Variants in ZBTB8B observed in about 807,000 individuals in gnomAD.
ZBTB8B encodes zinc finger and BTB domain containing 8B.
A neutral mutation model predicts 30.3 loss-of-function variants in ZBTB8B; 17 were observed. The ratio of observed to expected loss-of-function variants is 0.56; its 90% confidence interval spans 0.38 to 0.84. The LOEUF (loss-of-function observed/expected upper bound fraction) is 0.84, where lower values mean the gene tolerates loss of function less well. Among genes scored for constraint, ZBTB8B ranks in the 40% least tolerant of loss-of-function variants. ZBTB8B has a pLI of 0.00. For synonymous variants in ZBTB8B, 248 were observed against 255.6 expected, an observed-to-expected ratio of 0.97 and a Z score of 0.28; for missense variants, 515 against 644.9, an observed-to-expected ratio of 0.80 and a Z score of 2.18.
Position 32,496,561 on chromosome 1 carries a change from G to A in ZBTB8B, c.*11143G>A, listed in dbSNP as rs891589296. On this transcript the variant is annotated 3_prime_UTR_variant, in exon 4 of 4. Transcript: ENST00000609129. ...TTTTTGGAATTGAATTGGTTTTTAA[G>A]TGGTAATGTACCAGGTCTGTTTATA... 3.3e-5 allele frequency: 5 copies of A among 152,180 alleles called. No homozygotes were observed. The highest frequency in any genetic ancestry group is 7.3e-5 in the Non-Finnish European group (5 of 68,036). The allele number at this position is 152,180 out of a possible 1,614,324, so 9.4% of individuals were successfully genotyped here.
intron 2 of ZBTB8B, among the ~76,000 whole-genome samples, chr1:32,479,425 A>G (rs994157917): frequency 9.2e-5 from 14 of 152,164 alleles, no homozygotes; most frequent in African/African-American, 3.4e-4. Context: ...CCGAAGGCTG[A>G]GGCAGGAGAA....
At position 32,484,568 on chromosome 1, in the gene ZBTB8B, CA is replaced by C. The variant is rs758740411; in HGVS notation, c.1171-532del. ...CTCATATGGTTTGGATCTCTGTCCC[CA>C]CTCAAATCTCATGTTGAAATGTAAT... On this transcript the variant is annotated intron_variant, in intron 3 of 3. Coordinates refer to ENST00000609129, the MANE Select transcript of ZBTB8B (RefSeq NM_001145720.2). The surrounding 1 kb of genome is among the most constrained non-coding windows in gnomAD (Gnocchi z 4.5). Among the ~76,000 whole-genome samples the C allele has an allele frequency of 2.6e-5, 4 of 152,088 alleles. No homozygotes were observed. The highest frequency in any genetic ancestry group is 5.9e-5 in the Non-Finnish European group (4 of 68,022).
Position 32,485,411 on chromosome 1 carries a change from T to G in ZBTB8B, c.1481T>G (p.Leu494Arg), listed in dbSNP as rs1417689341. 1 of 1,547,140 alleles carries G rather than the reference T, an allele frequency of 6.5e-7. No individual in the cohort carries two copies. The change falls in exon 4 of 4, where the codon CTT (leucine) becomes CGT (arginine). Residue 494 changes from leucine (L) to arginine (R), a missense_variant. Transcript: ENST00000609129. ...CCTAACTTATCAGACCGAGAGACAC[T>G]TACGTAGCAATAAATTGGTGGGGAA... is the stretch of plus-strand genomic sequence containing the variant. Reference protein sequence around the residue: ...IQPNLSDRETLT With the variant: ...IQPNLSDRETRT
chr1:32,473,722 T>C (rs1190415150), intron 2 of ZBTB8B, among the ~76,000 whole-genome samples: 1 of 152,120 alleles, frequency 6.6e-6, no homozygotes, highest in Non-Finnish European at 1.5e-5. Flanking sequence ...GGTCTCCCTA[T>C]GTTGCTCAGT....
rs1272923154 is a variant in ZBTB8B at position 32,489,564 on chromosome 1, G to A, written c.*4146G>A. ...TGAGGTTTAATTTGTGGGGTTGGTG[G>A]TATTTTTATACTAAGTAAATTTACA... is the stretch of plus-strand genomic sequence containing the variant. On this transcript the variant is annotated 3_prime_UTR_variant, in exon 4 of 4. Transcript: ENST00000609129. The A allele has an allele frequency of 6.6e-6, 1 of 152,094 alleles. No individual in the cohort carries two copies. The highest frequency in any genetic ancestry group is 1.5e-5 in the Non-Finnish European group (1 of 68,030). 9.4% of individuals were successfully genotyped at this position (152,094 alleles called of 1,614,324 possible). A position where few individuals can be genotyped will look rare whatever the true frequency, so the allele number is the denominator to read the frequency against.
intron 1 of ZBTB8B, among the ~76,000 whole-genome samples, chr1:32,469,284 C>T (rs1246189725): frequency 4.4e-5 from 6 of 135,618 alleles, no homozygotes; most frequent in African/African-American, 1.1e-4. Flanking sequence ...CTCACTCTGT[C>T]GCCCAGGCTG....
chr1:32,470,996 T>C lies in ZBTB8B; in HGVS notation c.372T>C (p.Ile124=). ...CKTYIRSSLD[I]CRKMEKEAAV... is the part of the protein sequence containing the mutation. ...CATACATTAGGTCATCCCTCGACAT[T>C]TGCCGAAAGATGGAGAAGGAGGCTG... The change falls in exon 2 of 4, where the codon ATT becomes ATC. Residue 124 remains isoleucine (I), a synonymous_variant. Transcript: ENST00000609129. 1 of 1,552,204 alleles carries C rather than the reference T, an allele frequency of 6.4e-7. No individual in the cohort carries two copies. The highest frequency in any genetic ancestry group is 8.7e-7 in the Non-Finnish European group (1 of 1,147,098).
chr1:32,468,860 CAA>C (rs770677035), intron 1 of ZBTB8B, among the ~76,000 whole-genome samples: 3 of 126,620 alleles, frequency 2.4e-5, no homozygotes. Flanking sequence ...GAATCTGTCT[CAA>C]AAAAAAAAAA....
Position 32,483,244 on chromosome 1 carries a change from C to CAAAAAA in ZBTB8B, c.1171-1831_1171-1826dup, listed in dbSNP as rs59559091. Among the ~76,000 whole-genome samples the CAAAAAA allele has an allele frequency of 8.2e-4, 46 of 56,372 alleles. 7 individuals carry two copies. The highest frequency in any genetic ancestry group is 1.4e-3 in the East Asian group (2 of 1,396). The allele number at this position is 56,372 out of a possible 152,430, so 37.0% of individuals were successfully genotyped here. A position where few individuals can be genotyped will look rare whatever the true frequency, so the allele number is the denominator to read the frequency against. On this transcript the variant is annotated intron_variant, in intron 3 of 3. Coordinates refer to ENST00000609129, the MANE Select transcript of ZBTB8B (RefSeq NM_001145720.2). ...CGAAACCCCTTATCTACTAAAAATC[C>CAAAAAA]AAAAAAAAAAAAAAAAAAAAAAAAA...
rs963462426 is a variant in ZBTB8B at position 32,496,350 on chromosome 1, A to C, written c.*10932A>C. 8 of 152,226 alleles carry C rather than the reference A, an allele frequency of 5.3e-5. No homozygotes were observed. Among genetic ancestry groups the C allele is most frequent in the Non-Finnish European group, 7.3e-5 (5 of 68,052 alleles). 9.4% of individuals were successfully genotyped at this position (152,226 alleles called of 1,614,324 possible). On this transcript the variant is annotated 3_prime_UTR_variant, in exon 4 of 4. Transcript: ENST00000609129. ...GAGCTCTACAGTTACACACTGTCCA[A>C]CAGCTCTCGGAAGAAAAACAGAAAC...
rs952519676 is a variant in ZBTB8B, at chr1:32,484,559, C to A, written c.1171-542C>A. ...AGATGAAGACTCATATGGTTTGGAT[C>A]TCTGTCCCCACTCAAATCTCATGTT... On this transcript the variant is annotated intron_variant, in intron 3 of 3. Coordinates refer to ENST00000609129, the MANE Select transcript of ZBTB8B (RefSeq NM_001145720.2). The surrounding 1 kb of genome is among the most constrained non-coding windows in gnomAD (Gnocchi z 4.5). Among the ~76,000 whole-genome samples the A allele has an allele frequency of 6.6e-6, 1 of 152,102 alleles. No individual in the cohort carries two copies. Among genetic ancestry groups the A allele is most frequent in the African/African-American group, 2.4e-5 (1 of 41,422 alleles).
chr1:32,481,050 TGCGGAGCCACGCA>T lies in ZBTB8B; in HGVS notation c.1152_1164del (p.Arg385Ter). ...AAGAGGTTCACTCGACAAGAGCACCTGCGGAGCCACGCACTGAGTGTAAGTGTTCGAGCTGGCC... is the reference window on the plus strand; with the variant it reads ...AAGAGGTTCACTCGACAAGAGCACCTCTGAGTGTAAGTGTTCGAGCTGGCC... On this transcript the variant is annotated frameshift_variant, in exon 3 of 4. Transcript: ENST00000609129. LOFTEE classifies it high-confidence loss of function. 1 of 1,551,654 alleles carries T rather than the reference TGCGGAGCCACGCA, an allele frequency of 6.4e-7. No individual in the cohort carries two copies. The highest frequency in any genetic ancestry group is 8.7e-7 in the Non-Finnish European group (1 of 1,146,924).
chr1:32,479,750 C>T (rs1410293311), intron 2 of ZBTB8B, among the ~76,000 whole-genome samples: 1 of 152,016 alleles, frequency 6.6e-6, no homozygotes, highest in Non-Finnish European at 1.5e-5. Context: ...CAAGGGATGA[C>T]TATAGCAGTA....
intron 2 of ZBTB8B, among the ~76,000 whole-genome samples, chr1:32,480,293 T>G (rs892385392): frequency 1.2e-4 from 17 of 142,610 alleles, no homozygotes; most frequent in East Asian, 8.6e-4. Flanking sequence ...AGAGGAATGG[T>G]GGGGGGTATG....
intron 3 of ZBTB8B, among the ~76,000 whole-genome samples, chr1:32,483,405 A>G (rs929668676): frequency 6.6e-6 from 1 of 152,060 alleles, no homozygotes; most frequent in African/African-American, 2.4e-5. Flanking sequence ...AGCTTGGGCA[A>G]CAGAGCAAGA....
rs1643737876 is a variant in ZBTB8B, at chr1:32,485,378, A to G, written c.1448A>G (p.Gln483Arg). 1.3e-6 allele frequency: 2 copies of G among 1,552,152 alleles called. No homozygotes were observed. The highest frequency in any genetic ancestry group is 2.7e-5 in the African/African-American group (2 of 73,168). The change falls in exon 4 of 4, where the codon CAA becomes CGA. Residue 483 changes from glutamine (Q) to arginine (R), a missense_variant. By Grantham distance (43) the Gln-to-Arg change is conservative. Around this residue, in one of 3 missense-constraint regions of ZBTB8B, gnomAD observed 429 missense variants for 504.3 expected, o/e 0.85. Coordinates refer to ENST00000609129, the MANE Select transcript of ZBTB8B (RefSeq NM_001145720.2). ...PAGDDSDDKP[Q>R]IQPNLSDRET... Reference sequence around the variant, plus strand: ...GGAGATGATTCTGATGACAAACCACAAATTCAGCCTAACTTATCAGACCGA... The same window carrying G: ...GGAGATGATTCTGATGACAAACCACGAATTCAGCCTAACTTATCAGACCGA...
chr1:32,471,367 A>T lies in ZBTB8B; in HGVS notation c.743A>T (p.Gln248Leu). The change falls in exon 2 of 4, where the codon CAG (glutamine) becomes CTG (leucine). Residue 248 changes from glutamine to leucine, a missense_variant. Physicochemically the swap from Gln to Leu is moderately radical, Grantham distance 113. Coordinates refer to ENST00000609129, the MANE Select transcript of ZBTB8B (RefSeq NM_001145720.2). Reference sequence around the variant, plus strand: ...GTGGACGTTGGTGAACAGCTGCAGCAGTATGCTGCCCCGCTGAACCTGGCC... The same window carrying T: ...GTGGACGTTGGTGAACAGCTGCAGCTGTATGCTGCCCCGCTGAACCTGGCC... ...VEVDVGEQLQQYAAPLNLAHV... is the reference protein window; with the variant it reads ...VEVDVGEQLQLYAAPLNLAHV... The T allele has an allele frequency of 6.4e-7, 1 of 1,551,820 alleles. No individual in the cohort carries two copies. The highest frequency in any genetic ancestry group is 8.7e-7 in the Non-Finnish European group (1 of 1,147,018).
intron 1 of ZBTB8B, among the ~76,000 whole-genome samples, chr1:32,467,339 C>T (rs1461932404): frequency 1.3e-5 from 2 of 151,604 alleles, no homozygotes; most frequent in Admixed American, 6.6e-5. Context: ...GCCTCCACCG[C>T]CTCCTGGGTT....
At chr1:32,472,521 A>G (rs945865320) in intron 2 of ZBTB8B, among the ~76,000 whole-genome samples, 1 of 152,220 alleles carries the variant, frequency 6.6e-6, no homozygotes, top group Non-Finnish European at 1.5e-5. Context: ...CCAGAGATTT[A>G]TACTTCTCTG....
Sources: allele counts gnomAD v4.1 joint callset (sites outside exome capture counted in the v4.1 genomes callset), GRCh38; gene constraint gnomAD v4.1.1; regional missense constraint gnomAD v4.1.1; non-coding constraint Gnocchi (gnomAD v3.1); transcripts MANE v1.5; gene names NCBI Gene and HGNC (gene_info 2026-07-23, HGNC 2026-07-21).